Variants in ZNF385D observed in about 807,000 individuals in gnomAD.
The protein encoded by ZNF385D is zinc finger protein 659.
Under a neutral mutation model 35.8 loss-of-function variants are expected in ZNF385D, and 15 were observed. The ratio of observed to expected loss-of-function variants is 0.42; its 90% CI spans 0.28 to 0.64. The LOEUF is 0.64. Among genes scored for constraint, ZNF385D ranks in the 30% least tolerant of loss-of-function variants. ZNF385D has a pLI of 0.23. For missense variants in ZNF385D, 474 were observed against 494.6 expected (o/e 0.96, Z 0.39); for synonymous variants, 212 against 186.8 (o/e 1.13, Z -1.10).
At chr3:21,565,741 T>G (rs1225310979) in intron 2 of ZNF385D, among the ~76,000 whole-genome samples, 1 of 152,192 alleles carries the variant, frequency 6.6e-6, no homozygotes, top group East Asian at 1.9e-4. Context: ...CCTCAAACAC[T>G]ATACTCATTG....
chr3:21,684,215 G>A (rs188798044), intron 1 of ZNF385D, among the ~76,000 whole-genome samples: 3 of 148,708 alleles, frequency 2.0e-5, no homozygotes, highest in East Asian at 4.1e-4. Context: ...TTTATAAAGC[G>A]CCATGTTTAG....
At chr3:21,452,266 T>G (rs1215944660) in intron 4 of ZNF385D, among the ~76,000 whole-genome samples, 1 of 152,048 alleles carries the variant, frequency 6.6e-6, no homozygotes, top group Non-Finnish European at 1.5e-5. Flanking sequence ...AAGTAGAGGT[T>G]AGATCACATC....
chr3:22,188,552 C>A (rs531782297), intron 2 of ZNF385D, among the ~76,000 whole-genome samples: 1 of 152,118 alleles, frequency 6.6e-6, no homozygotes, highest in South Asian at 2.1e-4. Context: ...CAGGTTCAAG[C>A]CATTCTCCTG....
At chr3:22,337,566 C>T (rs1388872346) in intron 2 of ZNF385D, among the ~76,000 whole-genome samples, 8 of 151,968 alleles carry the variant, frequency 5.3e-5, no homozygotes, top group Admixed American at 2.0e-4. Flanking sequence ...AGTTAAAATA[C>T]TCATTTGGTA....
chr3:22,263,423 T>A (rs1700735902), intron 2 of ZNF385D, among the ~76,000 whole-genome samples: 1 of 152,070 alleles, frequency 6.6e-6, no homozygotes, highest in Non-Finnish European at 1.5e-5. Context: ...GCTCAAAAGT[T>A]ATTTCCTTAG....
intron 3 of ZNF385D, among the ~76,000 whole-genome samples, chr3:22,022,067 T>C (rs1383560849): frequency 6.6e-6 from 1 of 152,048 alleles, no homozygotes; most frequent in African/African-American, 2.4e-5. Flanking sequence ...TAATTGAGTG[T>C]GAGTAAAATT....
At position 21,998,087 on chromosome 3, in the gene ZNF385D, C is replaced by A. The variant is rs534555957; in HGVS notation, c.325+170730G>T. ...TGCTATATGCCACTCCCACCAGTGCCATGCCAATATACAAATGCCATGACG... is the reference window on the plus strand; with the variant it reads ...TGCTATATGCCACTCCCACCAGTGCAATGCCAATATACAAATGCCATGACG... On this transcript the variant is annotated intron_variant, in intron 3 of 5. Coordinates refer to the ZNF385D transcript ENST00000494108. Among the ~76,000 whole-genome samples, 4 of 152,188 alleles carry A rather than the reference C, an allele frequency of 2.6e-5. No homozygotes were observed. In the East Asian group the frequency reaches 7.7e-4, roughly 29 times the overall value.
intron 3 of ZNF385D, among the ~76,000 whole-genome samples, chr3:22,015,183 C>A (rs961862577): frequency 3.9e-5 from 6 of 152,070 alleles, no homozygotes; most frequent in Non-Finnish European, 5.9e-5. Flanking sequence ...TAAAGCAAAC[C>A]AGCTTACTGT....
intron 3 of ZNF385D, among the ~76,000 whole-genome samples, chr3:22,000,149 C>A (rs1015947048): frequency 1.3e-5 from 2 of 152,010 alleles, no homozygotes; most frequent in Non-Finnish European, 2.9e-5. Flanking sequence ...ACTCAAAATA[C>A]AAAAAATTAG....
intron 1 of ZNF385D, among the ~76,000 whole-genome samples, chr3:21,733,868 A>C (rs1450419379): frequency 6.6e-6 from 1 of 152,172 alleles, no homozygotes; most frequent in East Asian, 1.9e-4. Flanking sequence ...TTGAAATATC[A>C]GTTTTATCAT....
At chr3:21,537,440 C>G (rs561164816) in intron 3 of ZNF385D, among the ~76,000 whole-genome samples, 2 of 152,008 alleles carry the variant, frequency 1.3e-5, no homozygotes, top group African/African-American at 4.8e-5. Flanking sequence ...CCACCACGCC[C>G]GGCCCAACAT....
chr3:21,413,114 T>C lies in ZNF385D; in HGVS notation c.*8100A>G, dbSNP rs182496614. On this transcript the variant is annotated 3_prime_UTR_variant, in exon 8 of 8. Transcript: ENST00000281523. ...TTTTTAATGAAAACAAATATAACAATAACATATAGAATCATCATTCAACTA... is the reference window on the plus strand; with the variant it reads ...TTTTTAATGAAAACAAATATAACAACAACATATAGAATCATCATTCAACTA... The C allele has an allele frequency of 2.0e-5, 3 of 152,006 alleles. No homozygotes were observed. Among genetic ancestry groups the C allele is most frequent in the African/African-American group, 2.4e-5 (1 of 41,402 alleles). 9.4% of individuals were successfully genotyped at this position (152,006 alleles called of 1,614,324 possible). A position where few individuals can be genotyped will look rare whatever the true frequency, so the allele number is the denominator to read the frequency against.
chr3:22,330,843 T>TA (rs1694899193), intron 2 of ZNF385D, among the ~76,000 whole-genome samples: 1 of 152,244 alleles, frequency 6.6e-6, no homozygotes, highest in African/African-American at 2.4e-5. Flanking sequence ...TTTGTTCCTG[T>TA]AACCCTGCAG....
intron 2 of ZNF385D, among the ~76,000 whole-genome samples, chr3:22,179,880 G>C (rs560775726): frequency 6.6e-6 from 1 of 152,232 alleles, no homozygotes; most frequent in East Asian, 1.9e-4. Flanking sequence ...AAAAGAACTA[G>C]AGAAGCAAGA....
chr3:22,315,778 A>T (rs2125436641), intron 2 of ZNF385D, among the ~76,000 whole-genome samples: 1 of 152,304 alleles, frequency 6.6e-6, no homozygotes, highest in East Asian at 1.9e-4. Flanking sequence ...AATTTAGTTT[A>T]TAGTTTAACT....
At chr3:21,469,905 A>G (rs1016791187) in intron 4 of ZNF385D, among the ~76,000 whole-genome samples, 1 of 151,312 alleles carries the variant, frequency 6.6e-6, no homozygotes, top group African/African-American at 2.4e-5. Context: ...ATTTCTTGCA[A>G]AGTATTCCAC....
At chr3:22,280,923 G>A (rs960080058) in intron 2 of ZNF385D, among the ~76,000 whole-genome samples, 2 of 151,954 alleles carry the variant, frequency 1.3e-5, no homozygotes, top group Non-Finnish European at 2.9e-5. Context: ...GTGTTTTGTG[G>A]TTTTCCTTGT....
chr3:22,236,921 A>C (rs902327941), intron 2 of ZNF385D, among the ~76,000 whole-genome samples: 2 of 152,172 alleles, frequency 1.3e-5, no homozygotes, highest in African/African-American at 4.8e-5. Flanking sequence ...CATTTTATTT[A>C]TCTACATATT....
intron 2 of ZNF385D, among the ~76,000 whole-genome samples, chr3:22,299,172 T>C (rs9874659): frequency 0.015 from 2,334 of 152,048 alleles, 51 homozygotes; most frequent in African/African-American, 0.053. Flanking sequence ...ACCAATAAGA[T>C]GACAAATATT....
Sources: allele counts gnomAD v4.1 joint callset (sites outside exome capture counted in the v4.1 genomes callset), GRCh38; gene constraint gnomAD v4.1.1; transcripts MANE v1.5; gene names NCBI Gene and HGNC (gene_info 2026-07-23, HGNC 2026-07-21).